Variants in SFI1 observed in about 807,000 individuals in gnomAD.
SFI1 encodes SFI1 centrin binding protein.
A neutral mutation model predicts 207.5 loss-of-function variants in SFI1; 195 were observed. The ratio of observed to expected loss-of-function variants is 0.94; its 90% CI spans 0.84 to 1.06. The LOEUF (loss-of-function observed/expected upper bound fraction) is 1.06. Among genes scored for constraint, SFI1 ranks in the 50% least tolerant of loss-of-function variants. The pLI, the probability that SFI1 is intolerant of heterozygous loss-of-function variation, is 0.00. For missense variants in SFI1, 1,634 were observed against 1,588.0 expected (o/e 1.03, Z -0.49); for synonymous variants, 630 against 598.9 (o/e 1.05, Z -0.76).
chr22:31,559,553 A>G (rs1250597894), intron 7 of SFI1: 2 of 598,584 alleles, frequency 3.3e-6, no homozygotes, highest in Admixed American at 2.2e-5. Flanking sequence ...AACGGGCAGC[A>G]GAAAATAGGC....
Position 31,604,327 on chromosome 22 carries a change from G to A in SFI1, c.1900G>A (p.Ala634Thr). 1 of 1,579,014 alleles carries A rather than the reference G, an allele frequency of 6.3e-7. No individual in the cohort carries two copies. Among genetic ancestry groups the A allele is most frequent in the South Asian group, 1.2e-5 (1 of 86,390 alleles). ...TCTGCAGTGCCTGGCCCTGCGGGGA[G>A]CGGAGCGGCAGAAGCTGATGCGAGC... ...QWRECLALRG[A>T]ERQKLMRADL... Residue 634 changes from alanine to threonine, a missense_variant, in exon 19 of 33, where the codon GCG becomes ACG. Physicochemically the swap from Ala to Thr is moderately conservative, Grantham distance 58. Coordinates refer to ENST00000400288, the MANE Select transcript of SFI1 (RefSeq NM_001007467.3).
At position 31,546,990 on chromosome 22, in the gene SFI1, C is replaced by T. The variant is rs757668351; in HGVS notation, c.449+19C>T. ...ACTACAGGTCAGGTTTCATGTTACA[C>T]TCCTTCAGTTTTACTGATGCACATT... On this transcript the variant is annotated intron_variant, in intron 5 of 32. Transcript: ENST00000400288. 2 of 1,509,542 alleles carry T rather than the reference C, an allele frequency of 1.3e-6. No individual in the cohort carries two copies. Among genetic ancestry groups the T allele is most frequent in the Non-Finnish European group, 1.8e-6 (2 of 1,095,964 alleles). The allele number at this position is 1,509,542 out of a possible 1,614,324, so 93.5% of individuals were successfully genotyped here. A position where few individuals can be genotyped will look rare whatever the true frequency, so the allele number is the denominator to read the frequency against.
chr22:31,602,022 C>T (rs1000141454), intron 15 of SFI1, among the ~76,000 whole-genome samples, 190 bp from the exon 16 acceptor site: 11 of 151,976 alleles, frequency 7.2e-5, no homozygotes, highest in African/African-American at 1.2e-4. Flanking sequence ...TGGCCTCCAG[C>T]GATCCTCCTG....
At chr22:31,531,268 A>G in intron 4 of SFI1, 139 bp downstream of exon 4, 1 of 642,216 alleles carries the variant, frequency 1.6e-6, no homozygotes, top group Non-Finnish European at 2.7e-6. Flanking sequence ...GCAGTCCCTA[A>G]TATAACCATG....
At chr22:31,575,527 A>T (rs766398352) in intron 10 of SFI1, 135 bp downstream of exon 10, 5 of 917,602 alleles carry the variant, frequency 5.4e-6, no homozygotes, top group Non-Finnish European at 7.6e-6. Flanking sequence ...CTCTGTTGAC[A>T]GTCTTAAAAT....
chr22:31,511,988 G>A (rs2055636254), intron 2 of SFI1, among the ~76,000 whole-genome samples: 1 of 152,016 alleles, frequency 6.6e-6, no homozygotes, highest in Admixed American at 6.6e-5. Context: ...AAAGGTATGG[G>A]AAAATGTATC....
At chr22:31,506,333 C>T (rs1356540500) in intron 1 of SFI1, among the ~76,000 whole-genome samples, 1 of 151,974 alleles carries the variant, frequency 6.6e-6, no homozygotes, top group Non-Finnish European at 1.5e-5. Context: ...CAGGCGTGAG[C>T]CACTGTGCCT....
chr22:31,594,179 C>T (rs1402931419), intron 15 of SFI1, among the ~76,000 whole-genome samples: 1 of 152,176 alleles, frequency 6.6e-6, no homozygotes, highest in Admixed American at 6.5e-5. Flanking sequence ...TCTTAAGTGT[C>T]ATTTCCCCGA....
At chr22:31,551,731 T>C (rs1039595248) in intron 6 of SFI1, among the ~76,000 whole-genome samples, 1 of 152,174 alleles carries the variant, frequency 6.6e-6, no homozygotes, top group Non-Finnish European at 1.5e-5. Flanking sequence ...GTGCCTGGCC[T>C]TAAGTTTAAT....
intron 31 of SFI1, 37 bp from the exon 32 acceptor site, chr22:31,618,078 C>T: frequency 6.5e-7 from 1 of 1,545,038 alleles, no homozygotes; most frequent in South Asian, 1.2e-5. Flanking sequence ...CTGCCAAGGA[C>T]CCAGCCTGGC....
intron 25 of SFI1, 35 bp from the exon 26 acceptor site, chr22:31,613,319 G>A: frequency 6.2e-7 from 1 of 1,603,282 alleles, no homozygotes. Flanking sequence ...CTCTAAGCAG[G>A]GAGACCTGGG....
intron 8 of SFI1, among the ~76,000 whole-genome samples, chr22:31,568,155 CTATATATA>C (rs138581578): frequency 2.2e-5 from 3 of 137,836 alleles, no homozygotes; most frequent in Non-Finnish European, 4.6e-5. Flanking sequence ...CTCTCTCTCT[CTATATATA>C]TATGTGTGTG....
chr22:31,549,288 T>TAAAAAAAAAAAA lies in SFI1; in HGVS notation c.450-950_450-939dup, dbSNP rs59382278. Among the ~76,000 whole-genome samples, 36 of 37,214 alleles carry TAAAAAAAAAAAA rather than the reference T, an allele frequency of 9.7e-4. 1 individual carries two copies. Among genetic ancestry groups the TAAAAAAAAAAAA allele is most frequent in the African/African-American group, 4.1e-3 (33 of 8,066 alleles). 24.4% of individuals were successfully genotyped at this position (37,214 alleles called of 152,430 possible). On this transcript the variant is annotated intron_variant, in intron 5 of 32. Coordinates refer to ENST00000400288, the MANE Select transcript of SFI1 (RefSeq NM_001007467.3). ...CTAGGTGACAGAGTGAGACCCTGTG[T>TAAAAAAAAAAAA]AAAAAAAAAAAAAAAAAAAAAAAAA...
intron 15 of SFI1, among the ~76,000 whole-genome samples, chr22:31,591,849 G>A (rs867558017): frequency 8.2e-5 from 6 of 72,732 alleles, no homozygotes; most frequent in South Asian, 5.1e-4. Flanking sequence ...CAGTAGGGGC[G>A]GCCGGGCAGA....
intron 13 of SFI1, 65 bp downstream of exon 13, chr22:31,584,037 G>A: frequency 7.3e-7 from 1 of 1,362,988 alleles, no homozygotes; most frequent in Non-Finnish European, 1.0e-6. Flanking sequence ...TGTTTTCCAG[G>A]AGTAATTGCT....
intron 15 of SFI1, among the ~76,000 whole-genome samples, chr22:31,594,556 AAAAAAAG>A (rs1318696391): frequency 8.9e-6 from 1 of 112,962 alleles, no homozygotes. Flanking sequence ...TCAAAAAAAA[AAAAAAAG>A]AAAAGAAAAA....
At chr22:31,568,531 CA>C (rs60447566) in intron 8 of SFI1, among the ~76,000 whole-genome samples, 3,682 of 37,266 alleles carry the variant, frequency 0.099, 16 homozygotes, top group Non-Finnish European at 0.11. Flanking sequence ...GACCCTGTCT[CA>C]AAAAAAAAAA....
At position 31,606,121 on chromosome 22, in the gene SFI1, C is replaced by G. The variant is rs1603336537; in HGVS notation, c.2055-207C>G. 5.2e-6 allele frequency: 3 copies of G among 575,426 alleles called. 1 individual carries two copies. The highest frequency in any genetic ancestry group is 4.0e-5 in the South Asian group (2 of 49,420). The allele number at this position is 575,426 out of a possible 1,614,324, so 35.6% of individuals were successfully genotyped here. ...CCAGCAGTGCTGGGTCCCTCATGCA[C>G]TCTTGGTGCCCAGCCCAGAGCAGCT... On this transcript the variant is annotated intron_variant, in intron 20 of 32. Coordinates refer to ENST00000400288, the MANE Select transcript of SFI1 (RefSeq NM_001007467.3).
intron 1 of SFI1, among the ~76,000 whole-genome samples, chr22:31,501,003 T>C (rs2146358914): frequency 6.6e-6 from 1 of 151,222 alleles, no homozygotes; most frequent in East Asian, 2.0e-4. Context: ...TTCACCATAT[T>C]GGCCAGGCTG....
Sources: allele counts gnomAD v4.1 joint callset (sites outside exome capture counted in the v4.1 genomes callset), GRCh38; gene constraint gnomAD v4.1.1; transcripts MANE v1.5; gene names NCBI Gene and HGNC (gene_info 2026-07-23, HGNC 2026-07-21).